The following SLC25A33 variants were observed in gnomAD, a reference collection of about 807,000 sequenced individuals.
The protein encoded by SLC25A33 is solute carrier family 25 member 33, also known as bone marrow stromal cell mitochondrial carrier protein.
SLC25A33 carries 15 observed loss-of-function variants against 35.5 expected under a neutral mutation model. The ratio of observed to expected loss-of-function variants is 0.42; its 90% CI spans 0.28 to 0.65. SLC25A33 has a LOEUF of 0.65. Among genes scored for constraint, SLC25A33 ranks in the 30% least tolerant of loss-of-function variants. The pLI is 0.20. For synonymous variants in SLC25A33, 136 were observed against 148.7 expected (o/e 0.91, Z 0.62); for missense variants, 257 against 398.5 (o/e 0.64, Z 3.02).
In SLC25A33 at chr1:9,543,637, A is replaced by G. The variant is rs1291777992; in HGVS notation, c.56+3890A>G. 2.0e-5 allele frequency among the ~76,000 whole-genome samples: 3 copies of G among 152,180 alleles called. No individual in the cohort carries two copies. The East Asian group carries it at 5.8e-4, about 29-fold the overall frequency. On this transcript the variant is annotated intron_variant, in intron 1 of 6. Transcript: ENST00000302692. ...TTCATCTGCTGGGCAGCCACTTAAC[A>G]GCACAGTGCCCATTTAGATCTACTC...
At chr1:9,547,826 T>C (rs12093072) in intron 1 of SLC25A33, among the ~76,000 whole-genome samples, 3,557 of 150,728 alleles carry the variant, frequency 0.024, 143 homozygotes, top group African/African-American at 0.079. Flanking sequence ...TAAGTTTTTG[T>C]GGGTTTCTTG....
chr1:9,568,715 A>G (rs932207505), intron 3 of SLC25A33, among the ~76,000 whole-genome samples: 6 of 151,160 alleles, frequency 4.0e-5, no homozygotes, highest in Non-Finnish European at 8.8e-5. Context: ...GCCGGGCGTG[A>G]TGGCTGGCAC....
chr1:9,573,665 A>G (rs6540953), intron 5 of SLC25A33, among the ~76,000 whole-genome samples: 149,421 of 152,248 alleles, frequency 0.98, 73,333 homozygotes, highest in East Asian at 1. Context: ...CCGCAGTCCC[A>G]CCTGTTGTCT....
At chr1:9,553,230 G>GTTTTTTTTT (rs1340250968) in intron 1 of SLC25A33, among the ~76,000 whole-genome samples, 40 of 91,230 alleles carry the variant, frequency 4.4e-4, no homozygotes, top group Middle Eastern at 0.01. Context: ...TTTTTTTTGG[G>GTTTTTTTTT]TTTTTTTTTT....
At chr1:9,557,927 C>T (rs1172208709) in intron 2 of SLC25A33, among the ~76,000 whole-genome samples, 3 of 152,104 alleles carry the variant, frequency 2.0e-5, no homozygotes, top group Non-Finnish European at 4.4e-5. Context: ...TTCTCTCACA[C>T]AACTATTTAA....
At chr1:9,561,115 T>C (rs1643417944) in intron 2 of SLC25A33, among the ~76,000 whole-genome samples, 1 of 152,102 alleles carries the variant, frequency 6.6e-6, no homozygotes, top group Admixed American at 6.6e-5. Flanking sequence ...TAATTTTTTT[T>C]GTATTTTTAG....
intron 6 of SLC25A33, among the ~76,000 whole-genome samples, chr1:9,580,930 T>A (rs1454891213): frequency 1.3e-5 from 2 of 151,412 alleles, no homozygotes; most frequent in African/African-American, 4.8e-5. Context: ...GCCTTAAGGC[T>A]ACTTTGGGTA....
chr1:9,561,431 A>AT (rs1643423061), intron 2 of SLC25A33, among the ~76,000 whole-genome samples: 1 of 150,666 alleles, frequency 6.6e-6, no homozygotes, highest in East Asian at 1.9e-4. Context: ...TTTTTTTTCC[A>AT]TTTTTTTCCT....
At position 9,582,379 on chromosome 1, in the gene SLC25A33, G is replaced by T. The variant is rs1272291510; in HGVS notation, c.844G>T (p.Glu282Ter). Residue 282 changes from glutamate to a stop codon, truncating the protein, a stop_gained, in exon 7 of 7, where the codon GAA (glutamate) becomes TAA (stop). Coordinates refer to ENST00000302692, the MANE Select transcript of SLC25A33 (RefSeq NM_032315.3). LOFTEE classifies it high-confidence loss of function. The surrounding 1 kb of genome is among the most constrained non-coding windows in gnomAD (Gnocchi z 4.0). ...VQTARLVFREEGYLAFYRGLF... is the reference protein window; with the variant it reads ...VQTARLVFRE ...GACGGCGCGCCTGGTGTTCCGGGAA[G>T]AAGGCTACCTTGCCTTTTATAGAGG... 1 of 1,613,886 alleles carries T rather than the reference G, an allele frequency of 6.2e-7. No individual in the cohort carries two copies. The highest frequency in any genetic ancestry group is 1.3e-5 in the African/African-American group (1 of 74,924).
intron 1 of SLC25A33, 41 bp downstream of exon 1, chr1:9,539,788 G>A (rs904734959): frequency 7.5e-7 from 1 of 1,327,566 alleles, no homozygotes; most frequent in Non-Finnish European, 9.6e-7. Context: ...CACCGCCTGC[G>A]GTCCCCTCGG....
chr1:9,563,503 G>A (rs575364258), intron 2 of SLC25A33, among the ~76,000 whole-genome samples: 2 of 152,148 alleles, frequency 1.3e-5, no homozygotes, highest in Admixed American at 6.6e-5. Flanking sequence ...CCAGTATGCT[G>A]TGGACCAGAA....
At chr1:9,548,095 A>G (rs1218211038) in intron 1 of SLC25A33, among the ~76,000 whole-genome samples, 1 of 152,064 alleles carries the variant, frequency 6.6e-6, no homozygotes, top group Non-Finnish European at 1.5e-5. Flanking sequence ...AGCTGGTCTC[A>G]GAACTCCTGA....
chr1:9,548,934 G>A (rs1643218354), intron 1 of SLC25A33, among the ~76,000 whole-genome samples: 1 of 152,204 alleles, frequency 6.6e-6, no homozygotes, highest in Non-Finnish European at 1.5e-5. Context: ...AGAACGGGTT[G>A]TGGGTGTCAA....
At chr1:9,547,626 G>T (rs1209072494) in intron 1 of SLC25A33, among the ~76,000 whole-genome samples, 1 of 151,954 alleles carries the variant, frequency 6.6e-6, no homozygotes, top group East Asian at 1.9e-4. Flanking sequence ...GTCTGTGAGG[G>T]ATGGGCTGTC....
chr1:9,564,825 G>A (rs753673026), intron 2 of SLC25A33, among the ~76,000 whole-genome samples: 8 of 149,924 alleles, frequency 5.3e-5, no homozygotes, highest in Non-Finnish European at 1.0e-4. Flanking sequence ...TGGGAAGGCT[G>A]AAGCACAAGA....
At position 9,578,395 on chromosome 1, in the gene SLC25A33, C is replaced by T. The variant is rs755861210; in HGVS notation, c.483-1559C>T. Among the ~76,000 whole-genome samples the T allele has an allele frequency of 2.3e-4, 35 of 152,176 alleles. No homozygotes were observed. Among genetic ancestry groups the T allele is most frequent in the African/African-American group, 3.1e-4 (13 of 41,440 alleles). ...CTCGGAGGGGTCTGTGATGTGTGAC[C>T]GGTGCACACCTAACTACACTCATCT... On this transcript the variant is annotated intron_variant, in intron 5 of 6. Transcript: ENST00000302692. The surrounding 1 kb of genome is among the most constrained non-coding windows in gnomAD (Gnocchi z 4.3).
At chr1:9,576,816 A>G in intron 5 of SLC25A33, 2 of 1,227,458 alleles carry the variant, frequency 1.6e-6, no homozygotes, top group South Asian at 1.2e-5. Flanking sequence ...TTGCTTGTTC[A>G]GTATCTCAAG....
chr1:9,540,894 G>A (rs1341216964), intron 1 of SLC25A33, among the ~76,000 whole-genome samples: 1 of 152,148 alleles, frequency 6.6e-6, no homozygotes, highest in African/African-American at 2.4e-5. Flanking sequence ...AAACTTCGGT[G>A]GGTCTTCATA....
intron 5 of SLC25A33, 25 bp downstream of exon 5, chr1:9,573,437 TAATG>T (rs1318971784): frequency 1.3e-6 from 2 of 1,597,850 alleles, no homozygotes; most frequent in Non-Finnish European, 1.7e-6. Flanking sequence ...GTTCCTTCCT[TAATG>T]AAAGGATTTT....
Sources: gnomAD v4.1 joint callset for allele counts (sites outside exome capture counted in the v4.1 genomes callset) on GRCh38, gnomAD v4.1.1 for gene constraint, Gnocchi (gnomAD v3.1) non-coding constraint, MANE v1.5 for transcripts, NCBI Gene and HGNC (gene_info 2026-07-23, HGNC 2026-07-21) for gene names.